The following TRIM14 variants were observed in gnomAD, a reference collection of about 807,000 sequenced individuals.
TRIM14 encodes tripartite motif-containing protein 14.
In TRIM14, 28 loss-of-function variants were observed where a neutral mutation model predicts 44.5. That is an observed-to-expected ratio of 0.63 (90% CI 0.47 to 0.86). TRIM14 has a LOEUF of 0.86. Among genes scored for constraint, TRIM14 ranks in the 40% least tolerant of loss-of-function variants. The pLI, the probability that TRIM14 is intolerant of heterozygous loss-of-function variation, is 0.00. For synonymous variants in TRIM14, 299 were observed against 269.2 expected (o/e 1.11, Z -1.08); for missense variants, 607 against 611.1 (o/e 0.99, Z 0.07).
chr9:98,111,319 T>A (rs185411338), intron 1 of TRIM14, among the ~76,000 whole-genome samples: 5 of 152,214 alleles, frequency 3.3e-5, no homozygotes, highest in Admixed American at 2.0e-4. Context: ...GCACCTGTAA[T>A]CCCAGCTACT....
chr9:98,099,788 G>T, intron 3 of TRIM14, 143 bp downstream of exon 3: 2 of 683,350 alleles, frequency 2.9e-6, no homozygotes, highest in Non-Finnish European at 2.5e-6. Context: ...GACCACCTGT[G>T]TGGGGGCAAG....
intron 1 of TRIM14, among the ~76,000 whole-genome samples, chr9:98,116,987 C>T (rs1827076527): frequency 6.6e-6 from 1 of 151,972 alleles, no homozygotes; most frequent in African/African-American, 2.4e-5. Flanking sequence ...AAACAGGGAA[C>T]TAGAGAGAGA....
At chr9:98,065,806 A>G (rs1829131857), downstream of TRIM14, among the ~76,000 whole-genome samples, 2 of 152,070 alleles carry the variant, frequency 1.3e-5, no homozygotes, top group Non-Finnish European at 2.9e-5. Flanking sequence ...TTCTCATGAT[A>G]GTGAATGAGT....
At chr9:98,088,338 T>G in intron 5 of TRIM14, among the ~76,000 whole-genome samples, 1 of 126,768 alleles carries the variant, frequency 7.9e-6, no homozygotes, top group Non-Finnish European at 1.6e-5. Flanking sequence ...CCCTTGCTGC[T>G]TTATAGCTTT....
At chr9:98,093,839 G>A (rs573946036) in intron 4 of TRIM14, among the ~76,000 whole-genome samples, 6 of 152,144 alleles carry the variant, frequency 3.9e-5, no homozygotes, top group East Asian at 1.9e-4. Flanking sequence ...TCCACCTCCC[G>A]GGTTCAAGCA....
At position 98,084,508 on chromosome 9, in the gene TRIM14, A is replaced by G. The variant is rs1825695534; in HGVS notation, c.*2962T>C. On this transcript the variant is annotated 3_prime_UTR_variant, in exon 6 of 6. Transcript: ENST00000341469. ...TAAGTGATCAGTAACCCTTACAGAC[A>G]TGGAAACCAAGGAAGCCTCATTCCT... 1 of 152,226 alleles carries G rather than the reference A, an allele frequency of 6.6e-6. No homozygotes were observed. Among genetic ancestry groups the G allele is most frequent in the Non-Finnish European group, 1.5e-5 (1 of 68,042 alleles). 9.4% of individuals were successfully genotyped at this position (152,226 alleles called of 1,614,324 possible).
At chr9:98,099,510 T>A (rs188435235) in intron 3 of TRIM14, among the ~76,000 whole-genome samples, 82 of 147,026 alleles carry the variant, frequency 5.6e-4, no homozygotes, top group African/African-American at 2.1e-3. Flanking sequence ...GGGTCCCTTG[T>A]GGGTTTAGAG....
chr9:98,076,905 T>C (rs370076821), intron 6 of TRIM14: 3 of 1,603,796 alleles, frequency 1.9e-6, no homozygotes, highest in East Asian at 2.2e-5. Flanking sequence ...AGCTCCCTCT[T>C]TGATTTTTGT....
downstream of TRIM14, chr9:98,080,831 T>C: frequency 1.3e-6 from 2 of 1,583,968 alleles, no homozygotes; most frequent in Non-Finnish European, 1.7e-6. Context: ...TCAGAAGCTC[T>C]TTCCTGACAT....
chr9:98,056,709 G>C, the TRIM14 span: 3 of 1,471,276 alleles, frequency 2.0e-6, no homozygotes, highest in Non-Finnish European at 2.7e-6. Flanking sequence ...CGGGGCTGGC[G>C]TGTGGGTCTC....
intron 6 of TRIM14, chr9:98,075,413 A>C (rs1829541446): frequency 7.3e-6 from 1 of 137,222 alleles, no homozygotes; most frequent in East Asian, 2.5e-4. Flanking sequence ...GAGGAAGGAA[A>C]GGGAGAGAGG....
chr9:98,096,530 T>G (rs888091661), intron 3 of TRIM14, among the ~76,000 whole-genome samples: 1 of 152,162 alleles, frequency 6.6e-6, no homozygotes, highest in Non-Finnish European at 1.5e-5. Flanking sequence ...TCAAAACATA[T>G]GTATGATGGA....
chr9:98,065,043 T>C (rs1343347230), downstream of TRIM14, among the ~76,000 whole-genome samples: 1 of 152,192 alleles, frequency 6.6e-6, no homozygotes, highest in East Asian at 1.9e-4. Flanking sequence ...GTTTCAAATC[T>C]GAGACCTGGG....
At chr9:98,046,915 T>G in the TRIM14 span, among the ~76,000 whole-genome samples, 4 of 152,060 alleles carry the variant, frequency 2.6e-5, no homozygotes, top group Non-Finnish European at 5.9e-5. Flanking sequence ...CTGGGGAAAC[T>G]TTTCCCCCCA....
At position 98,095,445 on chromosome 9, in the gene TRIM14, C is replaced by A. The variant is rs1339121109; in HGVS notation, c.538-416G>T. ...GGTACAAAAAGGGTGAGAGGTCAGT[C>A]TCCCTGGGGAAGGAGCACCTGGAGC... is the stretch of plus-strand genomic sequence containing the variant. On this transcript the variant is annotated intron_variant, in intron 3 of 5. Transcript: ENST00000341469. The surrounding 1 kb of genome is among the most constrained non-coding windows in gnomAD (Gnocchi z 4.1). 1.3e-5 allele frequency among the ~76,000 whole-genome samples: 2 copies of A among 152,212 alleles called. No individual in the cohort carries two copies. Among genetic ancestry groups the A allele is most frequent in the Non-Finnish European group, 2.9e-5 (2 of 68,036 alleles).
intron 1 of TRIM14, among the ~76,000 whole-genome samples, chr9:98,113,048 A>T (rs1246926343): frequency 7.6e-6 from 1 of 132,058 alleles, no homozygotes; most frequent in Non-Finnish European, 1.6e-5. Flanking sequence ...TGGGAGGTGG[A>T]GGTTGCAGTG....
chr9:98,087,772 A>C lies in TRIM14; in HGVS notation c.1027T>G (p.Ser343Ala). ...GCCGAGGCCCCGCGGCGCCGAAGGG[A>C]GGCGTAGGCCGCGCCCACCCACCAG... ...AGWWVGAAYA[S>A]LRRRGASAAA... The change falls in exon 6 of 6, where the codon TCC (serine) becomes GCC (alanine). Residue 343 changes from serine to alanine, a missense_variant. By Grantham distance (99) the Ser-to-Ala change is moderately conservative (BLOSUM62 1). Around this residue, in one of 3 missense-constraint regions of TRIM14, gnomAD observed 356 missense variants for 323.0 expected, o/e 1.10. Transcript: ENST00000341469. 6.6e-7 allele frequency: 1 copy of C among 1,507,338 alleles called. No individual in the cohort carries two copies. Among genetic ancestry groups the C allele is most frequent in the Middle Eastern group, 1.7e-4 (1 of 5,724 alleles). The allele number at this position is 1,507,338 out of a possible 1,614,324, so 93.4% of individuals were successfully genotyped here.
At chr9:98,113,430 C>T (rs991610531) in intron 1 of TRIM14, among the ~76,000 whole-genome samples, 6 of 152,180 alleles carry the variant, frequency 3.9e-5, no homozygotes, top group African/African-American at 1.2e-4. Flanking sequence ...TCTTGGCTCA[C>T]TGCAGCCTTG....
At chr9:98,070,749 G>A (rs557870060) in intron 6 of TRIM14, among the ~76,000 whole-genome samples, 1 of 150,570 alleles carries the variant, frequency 6.6e-6, no homozygotes, top group Admixed American at 6.6e-5. Flanking sequence ...CAGCAAATAC[G>A]AATAAATAAA....
Sources: allele counts gnomAD v4.1 joint callset (sites outside exome capture counted in the v4.1 genomes callset), GRCh38; gene constraint gnomAD v4.1.1; regional missense constraint gnomAD v4.1.1; non-coding constraint Gnocchi (gnomAD v3.1); transcripts MANE v1.5; gene names NCBI Gene and HGNC (gene_info 2026-07-23, HGNC 2026-07-21).